Variants in TCEA1 observed in about 807,000 individuals in gnomAD.
TCEA1 encodes transcription elongation factor A1, also known as transcription elongation factor A protein 1.
A neutral mutation model predicts 43.8 loss-of-function variants in TCEA1; 21 were observed. The observed-to-expected ratio is 0.48, with a 90% confidence interval of 0.34 to 0.69. TCEA1 has a LOEUF of 0.69. TCEA1 is among the 30% of genes least tolerant of loss of function. TCEA1 has a pLI of 0.01. For missense variants in TCEA1, 250 were observed against 365.1 expected, an observed-to-expected ratio of 0.68 and a Z score of 2.57; for synonymous variants, 104 against 117.5, an observed-to-expected ratio of 0.88 and a Z score of 0.75.
At chr8:54,015,757 A>G (rs1804798941) in intron 1 of TCEA1, among the ~76,000 whole-genome samples, 1 of 152,184 alleles carries the variant, frequency 6.6e-6, no homozygotes, top group African/African-American at 2.4e-5. Context: ...GAACTCTTAC[A>G]ACTCAATAAT....
intron 4 of TCEA1, among the ~76,000 whole-genome samples, chr8:53,988,755 G>A (rs1364148656): frequency 2.0e-5 from 3 of 152,078 alleles, no homozygotes; most frequent in Non-Finnish European, 2.9e-5. Flanking sequence ...ACTAGAGATA[G>A]AGAGAGAGAA....
At chr8:53,975,844 G>C (rs965639302) in intron 8 of TCEA1, among the ~76,000 whole-genome samples, 1 of 152,094 alleles carries the variant, frequency 6.6e-6, no homozygotes, top group Admixed American at 6.5e-5. Context: ...CTACTGAACA[G>C]TACACTTAAA....
At chr8:54,016,978 C>CAA (rs1159105172) in intron 1 of TCEA1, among the ~76,000 whole-genome samples, 250 of 66,174 alleles carry the variant, frequency 3.8e-3, no homozygotes, top group Middle Eastern at 7.4e-3. Context: ...GACTCCGTCT[C>CAA]AAAAAAAAAA....
intron 8 of TCEA1, among the ~76,000 whole-genome samples, chr8:53,977,353 T>C (rs1454401165): frequency 6.6e-6 from 1 of 152,136 alleles, no homozygotes; most frequent in African/African-American, 2.4e-5. Flanking sequence ...TTTGCATGTA[T>C]ACACATAAAA....
intron 8 of TCEA1, chr8:53,973,107 A>G: frequency 3.1e-6 from 2 of 641,918 alleles, no homozygotes; most frequent in Non-Finnish European, 6.0e-6. Context: ...TGAAGAGGAG[A>G]TAGAAGAGGA....
At chr8:53,982,586 C>T (rs942275692) in intron 7 of TCEA1, among the ~76,000 whole-genome samples, 19 of 128,400 alleles carry the variant, frequency 1.5e-4, no homozygotes, top group Middle Eastern at 5.1e-3. Flanking sequence ...CCAGCCTGGG[C>T]GACAACAGTG....
chr8:53,988,680 A>G (rs1803772092), intron 4 of TCEA1, among the ~76,000 whole-genome samples: 1 of 152,040 alleles, frequency 6.6e-6, no homozygotes, highest in Non-Finnish European at 1.5e-5. Flanking sequence ...GCAATGGTGC[A>G]ATCTCGGCTC....
At position 53,988,086 on chromosome 8, in the gene TCEA1, A is replaced by G. The variant is rs28736685; in HGVS notation, c.466+28T>C. ...AGTGGTTGTGGGTGGTGACCAAAGG[A>G]CTGAGAAATAACATGCACTGGACTT... is the stretch of plus-strand genomic sequence containing the variant. On this transcript the variant is annotated intron_variant, in intron 5 of 9. Transcript: ENST00000521604. The G allele has an allele frequency of 0.047, 76,083 of 1,604,232 alleles. 11,612 individuals carry two copies. The African/African-American group carries it at 0.54, about 11-fold the overall frequency.
intron 5 of TCEA1, among the ~76,000 whole-genome samples, chr8:53,987,617 T>C (rs997382895): frequency 2.0e-5 from 3 of 152,204 alleles, no homozygotes; most frequent in African/African-American, 7.2e-5. Context: ...TTCCTGTATA[T>C]AAAACTTTAA....
At chr8:53,976,472 C>T (rs1190281648) in intron 8 of TCEA1, among the ~76,000 whole-genome samples, 2 of 152,120 alleles carry the variant, frequency 1.3e-5, no homozygotes, top group South Asian at 2.1e-4. Context: ...ACACTTATTT[C>T]TTTTACATCT....
intron 7 of TCEA1, among the ~76,000 whole-genome samples, chr8:53,982,754 CT>C (rs1803552616): frequency 6.6e-6 from 1 of 151,932 alleles, no homozygotes; most frequent in African/African-American, 2.4e-5. Context: ...TGAGATGCTT[CT>C]TGTGGAGGAG....
At chr8:54,015,292 C>A (rs2129314183) in intron 1 of TCEA1, among the ~76,000 whole-genome samples, 1 of 152,026 alleles carries the variant, frequency 6.6e-6, no homozygotes, top group East Asian at 1.9e-4. Flanking sequence ...GCCTCAGCCT[C>A]CCAAGCAGCT....
At chr8:53,968,619 A>T (rs1203169721) in intron 9 of TCEA1, among the ~76,000 whole-genome samples, 2 of 151,978 alleles carry the variant, frequency 1.3e-5, no homozygotes, top group Non-Finnish European at 2.9e-5. Flanking sequence ...CGAGATGGGC[A>T]GATCATGAGG....
intron 7 of TCEA1, among the ~76,000 whole-genome samples, chr8:53,983,113 T>C (rs777426053): frequency 1.1e-4 from 16 of 152,244 alleles, no homozygotes; most frequent in Non-Finnish European, 2.2e-4. Flanking sequence ...TCCAGAAAAA[T>C]AGTATGACTT....
At chr8:53,989,241 T>C (rs1803793490) in intron 4 of TCEA1, among the ~76,000 whole-genome samples, 2 of 152,208 alleles carry the variant, frequency 1.3e-5, no homozygotes, top group Admixed American at 1.3e-4. Context: ...AATTTTCCAG[T>C]CAACCTAATC....
At position 53,967,938 on chromosome 8, in the gene TCEA1, A is replaced by C; in HGVS notation, c.*166T>G. 2.0e-6 allele frequency: 1 copy of C among 502,444 alleles called. No homozygotes were observed. Among genetic ancestry groups the C allele is most frequent in the Non-Finnish European group, 3.7e-6 (1 of 273,120 alleles). 31.1% of individuals were successfully genotyped at this position (502,444 alleles called of 1,614,324 possible). A position where few individuals can be genotyped will look rare whatever the true frequency, so the allele number is the denominator to read the frequency against. Reference sequence around the variant, plus strand: ...ATTATATGGTCTCCCTACTGATCTGAAACTACAGAAGGCATTTAAGGAAGG... The same window carrying C: ...ATTATATGGTCTCCCTACTGATCTGCAACTACAGAAGGCATTTAAGGAAGG... On this transcript the variant is annotated 3_prime_UTR_variant, in exon 10 of 10. Coordinates refer to ENST00000521604, the MANE Select transcript of TCEA1 (RefSeq NM_006756.4).
intron 1 of TCEA1, among the ~76,000 whole-genome samples, chr8:54,019,660 C>T (rs1804961940): frequency 6.6e-6 from 1 of 150,814 alleles, no homozygotes; most frequent in African/African-American, 2.4e-5. Flanking sequence ...AAGAGAAACA[C>T]ATATACCATA....
intron 1 of TCEA1, among the ~76,000 whole-genome samples, chr8:54,018,793 C>T (rs996158630): frequency 6.6e-6 from 1 of 152,160 alleles, no homozygotes; most frequent in Admixed American, 6.5e-5. Context: ...GGAAACACAC[C>T]TGCCCCAAAA....
At chr8:53,985,531 A>G (rs1803663317) in intron 6 of TCEA1, among the ~76,000 whole-genome samples, 2 of 152,184 alleles carry the variant, frequency 1.3e-5, no homozygotes, top group Admixed American at 6.5e-5. Flanking sequence ...GAGACCATTC[A>G]GCATGGCCGT....
Sources: gnomAD v4.1 joint callset for allele counts (sites outside exome capture counted in the v4.1 genomes callset) on GRCh38, gnomAD v4.1.1 for gene constraint, MANE v1.5 for transcripts, NCBI Gene and HGNC (gene_info 2026-07-23, HGNC 2026-07-21) for gene names.